CDH18: variants seen among roughly 807,000 people sequenced by gnomAD.
CDH18 encodes the protein cadherin-18.
A neutral mutation model predicts 67.9 loss-of-function variants in CDH18; 31 were observed. The observed-to-expected ratio is 0.46, with a 90% confidence interval of 0.34 to 0.62. CDH18 has a LOEUF of 0.62. Among genes scored for constraint, CDH18 ranks in the 20% least tolerant of loss-of-function variants. CDH18 has a pLI of 0.01. For synonymous variants in CDH18, 362 were observed against 347.2 expected (o/e 1.04, Z -0.48); for missense variants, 890 against 975.5 (o/e 0.91, Z 1.17).
chr5:20,208,342 C>T (rs1454637449), intron 2 of CDH18, among the ~76,000 whole-genome samples: 1 of 152,098 alleles, frequency 6.6e-6, no homozygotes, highest in Non-Finnish European at 1.5e-5. Context: ...TGCCTTTCAC[C>T]AGGTCCATCC....
chr5:19,955,036 A>G (rs755176671), intron 2 of CDH18, among the ~76,000 whole-genome samples: 2 of 152,046 alleles, frequency 1.3e-5, no homozygotes, highest in Non-Finnish European at 2.9e-5. Context: ...GGTTTCTCCC[A>G]TGCTGCTCTC....
chr5:19,663,084 C>T (rs1328663251), intron 5 of CDH18, among the ~76,000 whole-genome samples: 1 of 151,720 alleles, frequency 6.6e-6, no homozygotes, highest in African/African-American at 2.4e-5. Flanking sequence ...CTTTTTTCCC[C>T]AAATATTTAC....
intron 1 of CDH18, among the ~76,000 whole-genome samples, chr5:20,299,724 C>A (rs1747812813): frequency 7.0e-6 from 1 of 143,284 alleles, no homozygotes; most frequent in African/African-American, 2.6e-5. Flanking sequence ...CACCACTGTA[C>A]TCCAGCCTGG....
intron 5 of CDH18, among the ~76,000 whole-genome samples, chr5:19,660,066 G>A (rs1312474164): frequency 6.6e-6 from 1 of 151,954 alleles, no homozygotes; most frequent in African/African-American, 2.4e-5. Context: ...ATAAACCCCA[G>A]TTTTCAAATT....
chr5:19,717,715 TCTCA>T, intron 5 of CDH18, among the ~76,000 whole-genome samples: 1 of 152,082 alleles, frequency 6.6e-6, no homozygotes, highest in Non-Finnish European at 1.5e-5. Flanking sequence ...AAAATGACTT[TCTCA>T]CTCAGTGGCC....
chr5:19,827,603 A>G (rs183326737), intron 3 of CDH18, among the ~76,000 whole-genome samples: 1 of 152,304 alleles, frequency 6.6e-6, no homozygotes, highest in East Asian at 1.9e-4. Flanking sequence ...AAATCATACA[A>G]AGATGTGGAA....
chr5:19,989,307 T>TTGA (rs974711412), upstream of CDH18, among the ~76,000 whole-genome samples: 6 of 152,192 alleles, frequency 3.9e-5, no homozygotes, highest in African/African-American at 1.4e-4. Context: ...TTCTGCTTAG[T>TTGA]TGATAAAACT....
chr5:19,744,282 G>A (rs184056938), intron 4 of CDH18, among the ~76,000 whole-genome samples: 1 of 151,818 alleles, frequency 6.6e-6, no homozygotes, highest in East Asian at 1.9e-4. Flanking sequence ...TTAAATTTTT[G>A]TCCCTCAACC....
intron 2 of CDH18, among the ~76,000 whole-genome samples, chr5:20,241,258 A>G (rs1477833402): frequency 6.6e-6 from 1 of 152,188 alleles, no homozygotes; most frequent in Non-Finnish European, 1.5e-5. Flanking sequence ...TCTTAACTTT[A>G]GCAGCAAATA....
intron 1 of CDH18, among the ~76,000 whole-genome samples, chr5:20,559,970 G>A (rs1319111033): frequency 6.6e-6 from 1 of 152,070 alleles, no homozygotes; most frequent in African/African-American, 2.4e-5. Flanking sequence ...AAGGAGTTTG[G>A]TTGATTCATC....
At chr5:19,903,372 G>C (rs952021597) in intron 2 of CDH18, among the ~76,000 whole-genome samples, 3 of 151,466 alleles carry the variant, frequency 2.0e-5, no homozygotes, top group African/African-American at 7.3e-5. Flanking sequence ...ACTTGAAATA[G>C]TGTTCTTTCC....
intron 1 of CDH18, among the ~76,000 whole-genome samples, chr5:20,372,324 CATTT>C (rs1743068724): frequency 1.3e-5 from 2 of 151,758 alleles, no homozygotes; most frequent in Admixed American, 6.6e-5. Flanking sequence ...TCATCTCAAA[CATTT>C]ATCTTTTTTG....
At chr5:20,502,856 A>G (rs1754416719) in intron 1 of CDH18, among the ~76,000 whole-genome samples, 2 of 152,200 alleles carry the variant, frequency 1.3e-5, no homozygotes, top group Admixed American at 1.3e-4. Context: ...ACATTTTGCC[A>G]TGACAAGTTC....
At chr5:19,845,157 C>A (rs898224082) in intron 2 of CDH18, among the ~76,000 whole-genome samples, 1 of 148,690 alleles carries the variant, frequency 6.7e-6, no homozygotes, top group Non-Finnish European at 1.5e-5. Flanking sequence ...GTATCCAGTT[C>A]ATGGAATAAT....
chr5:20,281,090 G>A (rs1052851683), intron 1 of CDH18, among the ~76,000 whole-genome samples: 1 of 152,040 alleles, frequency 6.6e-6, no homozygotes, highest in Non-Finnish European at 1.5e-5. Context: ...TGAGTTCTTT[G>A]TGGATTCTGG....
At chr5:20,297,023 T>C (rs1414266029) in intron 1 of CDH18, among the ~76,000 whole-genome samples, 1 of 152,030 alleles carries the variant, frequency 6.6e-6, no homozygotes, top group Non-Finnish European at 1.5e-5. Context: ...TATATCTACT[T>C]TATTATGTTT....
intron 11 of CDH18, among the ~76,000 whole-genome samples, chr5:19,497,286 A>G (rs1363678802): frequency 6.6e-6 from 1 of 152,212 alleles, no homozygotes; most frequent in Non-Finnish European, 1.5e-5. Flanking sequence ...AAAATAATCA[A>G]ATGGATATCA....
At chr5:19,791,356 AACACACACACACACAC>A (rs58429751) in intron 3 of CDH18, among the ~76,000 whole-genome samples, 4 of 141,542 alleles carry the variant, frequency 2.8e-5, no homozygotes, top group Non-Finnish European at 4.6e-5. Context: ...TCGACTTTTA[AACACACACACACACAC>A]ACACACACAC....
intron 5 of CDH18, among the ~76,000 whole-genome samples, chr5:19,692,226 T>A (rs1761982289): frequency 6.6e-6 from 1 of 152,018 alleles, no homozygotes; most frequent in Non-Finnish European, 1.5e-5. Flanking sequence ...TGTACAAATA[T>A]CAACTCAAAA....
Sources: gnomAD v4.1 joint callset for allele counts (sites outside exome capture counted in the v4.1 genomes callset) on GRCh38, gnomAD v4.1.1 for gene constraint, MANE v1.5 for transcripts, NCBI Gene and HGNC (gene_info 2026-07-23, HGNC 2026-07-21) for gene names.